Variants in LDB2 observed in about 807,000 individuals in gnomAD.
LDB2 encodes LIM domain-binding protein 2.
LDB2 carries 12 observed loss-of-function variants against 44.3 expected under a neutral mutation model. The ratio of observed to expected loss-of-function variants is 0.27; its 90% CI spans 0.17 to 0.44. The LOEUF (loss-of-function observed/expected upper bound fraction) is 0.44, where lower values mean the gene tolerates loss of function less well. LDB2 is among the 20% of genes least tolerant of loss of function. The pLI is 1.00. For synonymous variants in LDB2, 164 were observed against 174.8 expected, an observed-to-expected ratio of 0.94 and a Z score of 0.49; for missense variants, 344 against 473.5, an observed-to-expected ratio of 0.73 and a Z score of 2.54.
Position 16,739,619 on chromosome 4 carries a change from CATGTGTGTGT to C in LDB2, c.235+19529_235+19538del, listed in dbSNP as rs1233766328. Among the ~76,000 whole-genome samples the C allele has an allele frequency of 3.2e-4, 13 of 40,598 alleles. 4 individuals are homozygous for C. The highest frequency in any genetic ancestry group is 5.7e-4 in the Non-Finnish European group (13 of 22,830). 26.6% of individuals were successfully genotyped at this position (40,598 alleles called of 152,430 possible). A position where few individuals can be genotyped will look rare whatever the true frequency, so the allele number is the denominator to read the frequency against. On this transcript the variant is annotated intron_variant, in intron 2 of 7. Coordinates refer to ENST00000304523, the MANE Select transcript of LDB2 (RefSeq NM_001290.5). ...ATATATATATATATATGTATATATA[CATGTGTGTGT>C]ATATATGTATATATACATATGTGTG...
intron 1 of LDB2, among the ~76,000 whole-genome samples, chr4:16,893,444 T>C (rs538250131): frequency 2.6e-5 from 4 of 152,236 alleles, no homozygotes; most frequent in Admixed American, 2.6e-4. Context: ...AACATGATGT[T>C]ACAACGTGAA....
At chr4:16,596,962 C>G (rs540477718) in intron 2 of LDB2, among the ~76,000 whole-genome samples, 30 of 152,296 alleles carry the variant, frequency 2.0e-4, no homozygotes, top group African/African-American at 7.0e-4. Context: ...TTTAATAAAT[C>G]TCTTACATTC....
Position 16,588,712 on chromosome 4 carries a change from G to C in LDB2, c.529C>G (p.His177Asp). 6.2e-7 allele frequency: 1 copy of C among 1,612,518 alleles called. No homozygotes were observed. Among genetic ancestry groups the C allele is most frequent in the Non-Finnish European group, 8.5e-7 (1 of 1,179,378 alleles). Residue 177 changes from histidine to aspartate, a missense_variant and splice_region_variant, in exon 4 of 8, where the codon CAT becomes GAT. Coordinates refer to ENST00000304523, the MANE Select transcript of LDB2 (RefSeq NM_001290.5). Reference sequence around the variant, plus strand: ...AAAACAGAAATTAAATTACTTACATGCATGGCTAGGATGCTTCTCGGGACT... The same window carrying C: ...AAAACAGAAATTAAATTACTTACATCCATGGCTAGGATGCTTCTCGGGACT... ...ELVPRSILAM[H>D]AQDPQVLDQL...
intron 5 of LDB2, among the ~76,000 whole-genome samples, chr4:16,543,297 A>G (rs1734549215): frequency 6.6e-6 from 1 of 152,104 alleles, no homozygotes; most frequent in Non-Finnish European, 1.5e-5. Flanking sequence ...CAGTAATGGG[A>G]TGGTTGGGTC....
chr4:16,625,105 T>C (rs2152486286), intron 2 of LDB2, among the ~76,000 whole-genome samples: 1 of 152,238 alleles, frequency 6.6e-6, no homozygotes, highest in East Asian at 1.9e-4. Flanking sequence ...CCCCATCACC[T>C]GCTAGTCCCC....
At chr4:16,595,970 C>T (rs1720786991) in intron 2 of LDB2, 95 bp from the exon 3 acceptor site, 2 of 1,248,850 alleles carry the variant, frequency 1.6e-6, no homozygotes, top group African/African-American at 1.5e-5. Flanking sequence ...AAACCGGATA[C>T]TGATCATCTC....
chr4:16,651,396 T>C (rs958832171), intron 2 of LDB2, among the ~76,000 whole-genome samples: 4 of 152,248 alleles, frequency 2.6e-5, no homozygotes, highest in Admixed American at 6.5e-5. Flanking sequence ...CAAATGACTT[T>C]GATTTTCCAT....
At chr4:16,739,873 T>G (rs1762885200) in intron 2 of LDB2, among the ~76,000 whole-genome samples, 1 of 149,214 alleles carries the variant, frequency 6.7e-6, no homozygotes, top group South Asian at 2.1e-4. Context: ...TATATGAGGG[T>G]TTTTTTTAAA....
intron 2 of LDB2, among the ~76,000 whole-genome samples, chr4:16,713,532 G>A (rs1756393016): frequency 6.6e-6 from 1 of 152,112 alleles, no homozygotes; most frequent in Admixed American, 6.6e-5. Flanking sequence ...CCTCAACTGA[G>A]TAACAATTAT....
At position 16,665,768 on chromosome 4, in the gene LDB2, A is replaced by G. The variant is rs552149489; in HGVS notation, c.236-69893T>C. On this transcript the variant is annotated intron_variant, in intron 2 of 7. Coordinates refer to ENST00000304523, the MANE Select transcript of LDB2 (RefSeq NM_001290.5). ...AATGTGACCTTAAATGGAAAAAAAAAGGGGTGTCTGAAGATGTAATTTAGA... is the reference window on the plus strand; with the variant it reads ...AATGTGACCTTAAATGGAAAAAAAAGGGGGTGTCTGAAGATGTAATTTAGA... Among the ~76,000 whole-genome samples, 8 of 152,302 alleles carry G rather than the reference A, an allele frequency of 5.3e-5. No homozygotes were observed. In the East Asian group the frequency reaches 1.2e-3, roughly 22 times the overall value.
chr4:16,762,681 A>G (rs950391165), intron 1 of LDB2, among the ~76,000 whole-genome samples: 2 of 152,190 alleles, frequency 1.3e-5, no homozygotes, highest in African/African-American at 4.8e-5. Flanking sequence ...TATGGGAACT[A>G]TAACTCAAGA....
At chr4:16,516,039 A>AT (rs985876311) in intron 5 of LDB2, among the ~76,000 whole-genome samples, 6 of 150,430 alleles carry the variant, frequency 4.0e-5, no homozygotes, top group Non-Finnish European at 7.4e-5. Flanking sequence ...AATTTTTTGT[A>AT]TTTTTTTTAG....
rs903839514 is a variant in LDB2, at chr4:16,897,749, C to G, written c.132+605G>C. On this transcript the variant is annotated intron_variant, in intron 1 of 7. Coordinates refer to ENST00000304523, the MANE Select transcript of LDB2 (RefSeq NM_001290.5). The stretch of plus-strand genomic sequence containing the variant: ...AAGCAACTGGTTTCTGATTTTAACA[C>G]TGAAATATACAAACATGTGTCCCTC... Among the ~76,000 whole-genome samples the G allele has an allele frequency of 3.3e-5, 5 of 151,926 alleles. No individual in the cohort carries two copies. In the East Asian group the frequency reaches 5.8e-4, roughly 18 times the overall value.
At chr4:16,719,147 C>T (rs1020300516) in intron 2 of LDB2, among the ~76,000 whole-genome samples, 1 of 151,632 alleles carries the variant, frequency 6.6e-6, no homozygotes, top group Admixed American at 6.6e-5. Flanking sequence ...TTATAAATTG[C>T]TTGATTTTCC....
intron 2 of LDB2, among the ~76,000 whole-genome samples, chr4:16,733,727 C>T (rs1017516105): frequency 6.6e-6 from 1 of 152,288 alleles, no homozygotes; most frequent in African/African-American, 2.4e-5. Flanking sequence ...CCTTGTGATA[C>T]GGCAGGGATG....
At chr4:16,808,681 G>A (rs1433861554) in intron 1 of LDB2, among the ~76,000 whole-genome samples, 1 of 152,176 alleles carries the variant, frequency 6.6e-6, no homozygotes, top group African/African-American at 2.4e-5. Flanking sequence ...GTTTTGTAGT[G>A]TGCTTACCAG....
In LDB2 at chr4:16,776,653, C is replaced by G. The variant is rs11945479; in HGVS notation, c.133-17393G>C. 1.3e-3 allele frequency among the ~76,000 whole-genome samples: 194 copies of G among 152,302 alleles called. 2 individuals are homozygous for G. The highest frequency in any genetic ancestry group is 4.5e-3 in the African/African-American group (188 of 41,562). On this transcript the variant is annotated intron_variant, in intron 1 of 7. Transcript: ENST00000304523. The stretch of plus-strand genomic sequence containing the variant: ...GAACAAAAAAGACACAAATCCACGT[C>G]CTTGAAGACCCTGTATACTAGCGGA...
intron 1 of LDB2, among the ~76,000 whole-genome samples, chr4:16,767,403 T>C (rs1272226511): frequency 6.6e-6 from 1 of 152,212 alleles, no homozygotes; most frequent in Non-Finnish European, 1.5e-5. Context: ...AGGTTTTCCA[T>C]GCCACTCCAC....
At chr4:16,773,332 C>A (rs1196141543) in intron 1 of LDB2, among the ~76,000 whole-genome samples, 1 of 152,254 alleles carries the variant, frequency 6.6e-6, no homozygotes, top group South Asian at 2.1e-4. Context: ...TTTATTTCTA[C>A]TATTATTACA....
Sources: allele counts gnomAD v4.1 joint callset (sites outside exome capture counted in the v4.1 genomes callset), GRCh38; gene constraint gnomAD v4.1.1; transcripts MANE v1.5; gene names NCBI Gene and HGNC (gene_info 2026-07-23, HGNC 2026-07-21).